The following CNTNAP2 variants were observed in gnomAD, a reference collection of about 807,000 sequenced individuals.
CNTNAP2 encodes the protein contactin-associated protein-like 2.
Under a neutral mutation model 155.2 loss-of-function variants are expected in CNTNAP2, and 98 were observed. That is an observed-to-expected ratio of 0.63 (90% CI 0.54 to 0.75). The LOEUF is 0.75. Among genes scored for constraint, CNTNAP2 ranks in the 30% least tolerant of loss-of-function variants. CNTNAP2 has a pLI of 0.00. For missense variants in CNTNAP2, 1,727 were observed against 1,688.1 expected, an observed-to-expected ratio of 1.02 and a Z score of -0.40; for synonymous variants, 651 against 631.2, an observed-to-expected ratio of 1.03 and a Z score of -0.47.
intron 13 of CNTNAP2, among the ~76,000 whole-genome samples, chr7:147,802,128 C>T (rs561410404): frequency 1.4e-5 from 2 of 147,248 alleles, no homozygotes; most frequent in African/African-American, 5.1e-5. Flanking sequence ...CGCTCCTCAC[C>T]TCCCAGACGG....
At chr7:147,597,239 G>C (rs990033941) in intron 12 of CNTNAP2, among the ~76,000 whole-genome samples, 1 of 151,966 alleles carries the variant, frequency 6.6e-6, no homozygotes, top group Non-Finnish European at 1.5e-5. Flanking sequence ...GGTCTGGATT[G>C]GGATCCCTTT....
intron 8 of CNTNAP2, among the ~76,000 whole-genome samples, chr7:147,190,705 G>A (rs1802662911): frequency 2.6e-5 from 4 of 152,302 alleles, no homozygotes; most frequent in Admixed American, 2.6e-4. Context: ...TGAACAATGA[G>A]GTACTCATCA....
chr7:146,824,666 A>G (rs1803365107), intron 2 of CNTNAP2, among the ~76,000 whole-genome samples: 2 of 151,840 alleles, frequency 1.3e-5, no homozygotes, highest in African/African-American at 4.8e-5. Flanking sequence ...TCATATGACA[A>G]AAATATCTTA....
At chr7:146,758,807 G>T (rs186444327) in intron 1 of CNTNAP2, among the ~76,000 whole-genome samples, 1 of 152,076 alleles carries the variant, frequency 6.6e-6, no homozygotes, top group Non-Finnish European at 1.5e-5. Flanking sequence ...TCATATCACC[G>T]CCTACACCTG....
At chr7:147,645,624 C>T (rs1241207512) in intron 13 of CNTNAP2, among the ~76,000 whole-genome samples, 1 of 152,118 alleles carries the variant, frequency 6.6e-6, no homozygotes, top group African/African-American at 2.4e-5. Context: ...GAAGAGTAAG[C>T]AACTATTTCA....
At chr7:147,187,164 G>T (rs1260697522) in intron 8 of CNTNAP2, among the ~76,000 whole-genome samples, 1 of 152,134 alleles carries the variant, frequency 6.6e-6, no homozygotes, top group African/African-American at 2.4e-5. Context: ...GCCACTGCAG[G>T]AGCTCAGGTA....
At chr7:146,473,554 C>T (rs1796830711) in intron 1 of CNTNAP2, among the ~76,000 whole-genome samples, 2 of 152,054 alleles carry the variant, frequency 1.3e-5, no homozygotes, top group African/African-American at 4.8e-5. Flanking sequence ...TCCAGGGTGA[C>T]AATATTCTTC....
At chr7:147,303,145 A>C (rs1290539008) in intron 9 of CNTNAP2, among the ~76,000 whole-genome samples, 1 of 152,176 alleles carries the variant, frequency 6.6e-6, no homozygotes, top group Non-Finnish European at 1.5e-5. Flanking sequence ...TACCATCTTC[A>C]CACAAGGCTG....
intron 12 of CNTNAP2, among the ~76,000 whole-genome samples, chr7:147,587,079 A>G (rs77539579): frequency 0.022 from 3,396 of 152,312 alleles, 52 homozygotes; most frequent in Middle Eastern, 0.037. Flanking sequence ...GAGGAAAGGA[A>G]GTGTTTGCAG....
At chr7:147,062,706 T>C (rs1799706347) in intron 4 of CNTNAP2, among the ~76,000 whole-genome samples, 3 of 152,180 alleles carry the variant, frequency 2.0e-5, no homozygotes, top group Admixed American at 6.5e-5. Context: ...CTTATTATTA[T>C]TGCTGCTGTT....
At chr7:148,062,278 T>G (rs1803173123) in intron 15 of CNTNAP2, among the ~76,000 whole-genome samples, 1 of 151,936 alleles carries the variant, frequency 6.6e-6, no homozygotes, top group South Asian at 2.1e-4. Flanking sequence ...AACAAAGACT[T>G]CAAAAACCTT....
At chr7:146,295,322 GT>G (rs1168977620) in intron 1 of CNTNAP2, among the ~76,000 whole-genome samples, 2 of 136,648 alleles carry the variant, frequency 1.5e-5, no homozygotes, top group Non-Finnish European at 2.9e-5. Flanking sequence ...GTTTTTTTTG[GT>G]TTGTTTTGCT....
chr7:147,541,852 A>T (rs188176852), intron 11 of CNTNAP2, among the ~76,000 whole-genome samples: 1 of 152,288 alleles, frequency 6.6e-6, no homozygotes, highest in Non-Finnish European at 1.5e-5. Context: ...GCCCCACTTA[A>T]TCATTAGCGA....
At chr7:147,131,840 AC>A (rs530676893) in intron 7 of CNTNAP2, among the ~76,000 whole-genome samples, 3 of 152,020 alleles carry the variant, frequency 2.0e-5, no homozygotes, top group Non-Finnish European at 4.4e-5. Context: ...GGCATTGACC[AC>A]CCAGAATAGG....
At chr7:148,106,519 T>TATATATATAC (rs1491129840) in intron 15 of CNTNAP2, among the ~76,000 whole-genome samples, 2 of 130,856 alleles carry the variant, frequency 1.5e-5, no homozygotes, top group African/African-American at 5.5e-5. Flanking sequence ...TATATATATA[T>TATATATATAC]ACATATTTTT....
chr7:146,290,726 CTT>C (rs1800415767), intron 1 of CNTNAP2, among the ~76,000 whole-genome samples: 2 of 152,188 alleles, frequency 1.3e-5, no homozygotes, highest in East Asian at 3.9e-4. Flanking sequence ...TACTTAAACA[CTT>C]TGAACATCAT....
intron 10 of CNTNAP2, among the ~76,000 whole-genome samples, chr7:147,426,928 T>A (rs746424744): frequency 2.6e-5 from 4 of 152,194 alleles, no homozygotes; most frequent in Non-Finnish European, 5.9e-5. Context: ...TGGTTTTTGA[T>A]AATCAACTGT....
chr7:147,879,010 C>G (rs1011070307), intron 13 of CNTNAP2, among the ~76,000 whole-genome samples: 3 of 152,196 alleles, frequency 2.0e-5, no homozygotes, highest in African/African-American at 7.2e-5. Context: ...TGGTTTATTA[C>G]TAACCATAGT....
At position 146,148,518 on chromosome 7, in the gene CNTNAP2, GA is replaced by G. The variant is rs200235273; in HGVS notation, c.97+31549del. On this transcript the variant is annotated intron_variant, in intron 1 of 23. Coordinates refer to ENST00000361727, the MANE Select transcript of CNTNAP2 (RefSeq NM_014141.6). The stretch of plus-strand genomic sequence containing the variant: ...AGTAATGAAAGAGTAAACCTATTGG[GA>G]AAATGCTCTAAGTAACATTGCTCTG... Among the ~76,000 whole-genome samples the G allele has an allele frequency of 7.6e-4, 116 of 152,184 alleles. 2 individuals carry two copies. The East Asian group carries it at 0.019, about 25-fold the overall frequency.
Sources: gnomAD v4.1 joint callset for allele counts (sites outside exome capture counted in the v4.1 genomes callset) on GRCh38, gnomAD v4.1.1 for gene constraint, MANE v1.5 for transcripts, NCBI Gene and HGNC (gene_info 2026-07-23, HGNC 2026-07-21) for gene names.